ZNF774: variants seen among roughly 807,000 people sequenced by gnomAD.
The protein encoded by ZNF774 is zinc finger protein 774.
ZNF774 carries 14 observed loss-of-function variants against 11.1 expected under a neutral mutation model. That is an observed-to-expected ratio of 1.26 (90% CI 0.83 to 1.97). The LOEUF (loss-of-function observed/expected upper bound fraction) is 1.97. Among genes scored for constraint, ZNF774 ranks in the 30% most tolerant of loss-of-function variants. The pLI, the probability that ZNF774 is intolerant of heterozygous loss-of-function variation, is 0.00. For synonymous variants in ZNF774, 195 were observed against 212.6 expected (o/e 0.92, Z 0.72); for missense variants, 599 against 587.0 (o/e 1.02, Z -0.21).
At position 90,353,425 on chromosome 15, in the gene ZNF774, AGTGTGTGTGTGTGTGT is replaced by A. The variant is rs56080142; in HGVS notation, c.-20+1041_-20+1056del. ...TAAATACAAAAATATTTCCCCCAAA[AGTGTGTGTGTGTGTGT>A]GTGTGTGTGTGTGTGTGTGTGTGTG... is the stretch of plus-strand genomic sequence containing the variant. On this transcript the variant is annotated intron_variant, in intron 1 of 3. Transcript: ENST00000354377. Among the ~76,000 whole-genome samples the A allele has an allele frequency of 4.9e-3, 680 of 139,434 alleles. 3 individuals carry two copies. The highest frequency in any genetic ancestry group is 7.5e-3 in the Middle Eastern group (2 of 268). 91.5% of individuals were successfully genotyped at this position (139,434 alleles called of 152,430 possible).
rs146829380 is a variant in ZNF774 at position 90,358,865 on chromosome 15, G to A, written c.119G>A (p.Ser40Asn). The A allele has an allele frequency of 1.2e-6, 2 of 1,613,024 alleles. No individual in the cohort carries two copies. The highest frequency in any genetic ancestry group is 2.2e-5 in the East Asian group (1 of 44,816). ...TTCCTGTGTAGAATTTCCAGGCCTAGTGTAATCTCCCAGCCGGAGCAGAAA... is the reference window on the plus strand; with the variant it reads ...TTCCTGTGTAGAATTTCCAGGCCTAATGTAATCTCCCAGCCGGAGCAGAAA... ...EWALKGISRP[S>N]VISQPEQKEE... Residue 40 changes from serine to asparagine, a missense_variant, in exon 3 of 4, where the codon AGT (serine) becomes AAT (asparagine). Physicochemically the swap from Ser to Asn is conservative, Grantham distance 46. Coordinates refer to ENST00000354377, the MANE Select transcript of ZNF774 (RefSeq NM_001004309.3).
intron 2 of ZNF774, among the ~76,000 whole-genome samples, chr15:90,355,984 T>C (rs1274137537): frequency 7.3e-6 from 1 of 137,748 alleles, no homozygotes; most frequent in African/African-American, 2.9e-5. Context: ...GCCAAGATCA[T>C]GCCACTGCAC....
intron 2 of ZNF774, 111 bp downstream of exon 2, chr15:90,354,875 A>T (rs1964222969): frequency 1.1e-6 from 1 of 873,826 alleles, no homozygotes; most frequent in Non-Finnish European, 1.8e-6. Flanking sequence ...ATTCACTGCA[A>T]TCTGTGCCTC....
chr15:90,361,099 G>A lies in ZNF774; in HGVS notation c.1268G>A (p.Arg423Gln), dbSNP rs1964328845. The change falls in exon 4 of 4, where the codon CGA becomes CAA. Residue 423 changes from arginine (R) to glutamine (Q), a missense_variant. By Grantham distance (43) the Arg-to-Gln change is conservative. Transcript: ENST00000354377. ...NQSSHFITHQ[R>Q]IHLGDRPYRC... The stretch of plus-strand genomic sequence containing the variant: ...AGCTCCCACTTTATTACCCATCAGC[G>A]AATCCACTTAGGAGACAGGCCCTAT... 2 of 1,614,172 alleles carry A rather than the reference G, an allele frequency of 1.2e-6. No individual in the cohort carries two copies. The highest frequency in any genetic ancestry group is 1.7e-6 in the Non-Finnish European group (2 of 1,180,032).
At position 90,360,135 on chromosome 15, in the gene ZNF774, T is replaced by C; in HGVS notation, c.304T>C (p.Ser102Pro). Residue 102 changes from serine to proline, a missense_variant, in exon 4 of 4, where the codon TCT becomes CCT. Coordinates refer to ENST00000354377, the MANE Select transcript of ZNF774 (RefSeq NM_001004309.3). ...TSSERTNKDL[S>P]HTLSWGGNWE... Reference sequence around the variant, plus strand: ...CTCAGAAAGGACCAATAAAGATCTTTCTCATACTCTTAGTTGGGGAGGAAA... The same window carrying C: ...CTCAGAAAGGACCAATAAAGATCTTCCTCATACTCTTAGTTGGGGAGGAAA... 5 of 1,614,174 alleles carry C rather than the reference T, an allele frequency of 3.1e-6. No individual in the cohort carries two copies. Among genetic ancestry groups the C allele is most frequent in the Non-Finnish European group, 4.2e-6 (5 of 1,180,030 alleles).
Position 90,360,305 on chromosome 15 carries a change from A to G in ZNF774, c.474A>G (p.Lys158=). ...AGCCTATGTGTGCAGAATGCGGGAA[A>G]AGCTTTAACCAGAGTTCCTATCTCA... ...GEKPMCAECG[K]SFNQSSYLIR... Residue 158 remains lysine (K), a synonymous_variant, in exon 4 of 4, where the codon AAA becomes AAG. Coordinates refer to ENST00000354377, the MANE Select transcript of ZNF774 (RefSeq NM_001004309.3). 1 of 1,614,210 alleles carries G rather than the reference A, an allele frequency of 6.2e-7. No individual in the cohort carries two copies.
chr15:90,360,171 G>C lies in ZNF774; in HGVS notation c.340G>C (p.Gly114Arg). ...TLSWGGNWEQ[G>R]LELEGQHGTL... ...TAGTTGGGGAGGAAACTGGGAGCAAGGCCTAGAATTAGAAGGGCAACATGG... is the reference window on the plus strand; with the variant it reads ...TAGTTGGGGAGGAAACTGGGAGCAACGCCTAGAATTAGAAGGGCAACATGG... Residue 114 changes from glycine (G) to arginine (R), a missense_variant, in exon 4 of 4, where the codon GGC (glycine) becomes CGC (arginine). Coordinates refer to ENST00000354377, the MANE Select transcript of ZNF774 (RefSeq NM_001004309.3). 1.9e-6 allele frequency: 3 copies of C among 1,614,224 alleles called. No homozygotes were observed. Among genetic ancestry groups the C allele is most frequent in the Non-Finnish European group, 2.5e-6 (3 of 1,180,048 alleles).
In ZNF774 at chr15:90,360,029, C is replaced by T. The variant is rs770442255; in HGVS notation, c.212-14C>T. On this transcript the variant is annotated splice_polypyrimidine_tract_variant and intron_variant, in intron 3 of 3. Coordinates refer to ENST00000354377, the MANE Select transcript of ZNF774 (RefSeq NM_001004309.3). The stretch of plus-strand genomic sequence containing the variant: ...TGATAACTTTATTCTCTGTTACTTA[C>T]ATTAATTTTTCAGACTGTGAGCATC... The T allele has an allele frequency of 6.3e-6, 10 of 1,584,676 alleles. No individual in the cohort carries two copies. The highest frequency in any genetic ancestry group is 5.5e-5 in the Admixed American group (3 of 54,504).
chr15:90,360,562 T>C lies in ZNF774; in HGVS notation c.731T>C (p.Phe244Ser), dbSNP rs1398336678. 1.5e-5 allele frequency: 24 copies of C among 1,613,860 alleles called. No homozygotes were observed. Among genetic ancestry groups the C allele is most frequent in the South Asian group, 5.5e-5 (5 of 91,064 alleles). The stretch of plus-strand genomic sequence containing the variant: ...GAGTGCCCAGAGTGTGGAAAGACTT[T>C]TGGGCGGAAGCCACACCTCATAATG... ...PYECPECGKT[F>S]GRKPHLIMHQ... The change falls in exon 4 of 4, where the codon TTT becomes TCT. Residue 244 changes from phenylalanine to serine, a missense_variant. Physicochemically the swap from Phe to Ser is radical, Grantham distance 155. Transcript: ENST00000354377.
chr15:90,361,445 G>C lies in ZNF774; in HGVS notation c.*162G>C. 3.5e-6 allele frequency: 5 copies of C among 1,427,556 alleles called. No individual in the cohort carries two copies. The highest frequency in any genetic ancestry group is 4.6e-6 in the Non-Finnish European group (5 of 1,095,804). The allele number at this position is 1,427,556 out of a possible 1,614,324, so 88.4% of individuals were successfully genotyped here. A position where few individuals can be genotyped will look rare whatever the true frequency, so the allele number is the denominator to read the frequency against. ...TATAACAGAGAGGATAAACTTAAAG[G>C]GTCCAAATAACGGTCCGAATACAAA... On this transcript the variant is annotated 3_prime_UTR_variant, in exon 4 of 4. Transcript: ENST00000354377.
At position 90,352,350 on chromosome 15, in the gene ZNF774, C is replaced by T. The variant is rs941896048; in HGVS notation, c.-81C>T. ...GAGGCACAGCCTCGGGGTTGCGGGCCGGGTGCGGCTCGGCGGTGGAGGACT... is the reference window on the plus strand; with the variant it reads ...GAGGCACAGCCTCGGGGTTGCGGGCTGGGTGCGGCTCGGCGGTGGAGGACT... On this transcript the variant is annotated 5_prime_UTR_variant, in exon 1 of 4. Transcript: ENST00000354377. 1 of 152,514 alleles carries T rather than the reference C, an allele frequency of 6.6e-6. No homozygotes were observed. Among genetic ancestry groups the T allele is most frequent in the Non-Finnish European group, 1.5e-5 (1 of 68,304 alleles). The allele number at this position is 152,514 out of a possible 1,614,324, so 9.4% of individuals were successfully genotyped here.
chr15:90,362,824 T>C lies in ZNF774; in HGVS notation c.*1541T>C, dbSNP rs966264469. 1 of 415,896 alleles carries C rather than the reference T, an allele frequency of 2.4e-6. No individual in the cohort carries two copies. The highest frequency in any genetic ancestry group is 4.3e-6 in the Non-Finnish European group (1 of 233,360). 25.8% of individuals were successfully genotyped at this position (415,896 alleles called of 1,614,324 possible). On this transcript the variant is annotated 3_prime_UTR_variant, in exon 4 of 4. Transcript: ENST00000354377. ...CTATAAATGTAATATCTCTATGTTA[T>C]AATTCTGTTGCTAATGTCTTTTTTC...
chr15:90,355,823 G>T (rs1433166612), intron 2 of ZNF774, among the ~76,000 whole-genome samples: 1 of 150,398 alleles, frequency 6.6e-6, no homozygotes, highest in African/African-American at 2.4e-5. Context: ...AAGGTCAGGA[G>T]ATCGAGACCA....
At position 90,362,442 on chromosome 15, in the gene ZNF774, G is replaced by T; in HGVS notation, c.*1159G>T. 9.4e-7 allele frequency: 1 copy of T among 1,062,152 alleles called. No individual in the cohort carries two copies. Among genetic ancestry groups the T allele is most frequent in the Non-Finnish European group, 1.4e-6 (1 of 719,848 alleles). The allele number at this position is 1,062,152 out of a possible 1,614,324, so 65.8% of individuals were successfully genotyped here. ...TGAGAATGTCAAATGATATTACAGG[G>T]ATCCTCCCTGGCATTTAGCTGAAGG... On this transcript the variant is annotated 3_prime_UTR_variant, in exon 4 of 4. Coordinates refer to ENST00000354377, the MANE Select transcript of ZNF774 (RefSeq NM_001004309.3).
chr15:90,353,935 C>A (rs1196499355), intron 1 of ZNF774, among the ~76,000 whole-genome samples: 1 of 152,062 alleles, frequency 6.6e-6, no homozygotes, highest in Non-Finnish European at 1.5e-5. Context: ...TCTTGACTAT[C>A]CTCCAAAAAG....
chr15:90,355,226 T>A (rs544819997), intron 2 of ZNF774: 241 of 451,730 alleles, frequency 5.3e-4, no homozygotes, highest in Admixed American at 2.8e-4. Context: ...AATTGTTGCC[T>A]CCTTGGGAGA....
chr15:90,355,038 C>G (rs1412078072), intron 2 of ZNF774, among the ~76,000 whole-genome samples: 2 of 152,172 alleles, frequency 1.3e-5, no homozygotes, highest in African/African-American at 2.4e-5. Flanking sequence ...AGGCTGGTCT[C>G]AAACTCCTGA....
At position 90,360,452 on chromosome 15, in the gene ZNF774, C is replaced by G; in HGVS notation, c.621C>G (p.Tyr207Ter). 6.2e-7 allele frequency: 1 copy of G among 1,613,662 alleles called. No individual in the cohort carries two copies. Among genetic ancestry groups the G allele is most frequent in the East Asian group, 2.2e-5 (1 of 44,872 alleles). ...HRRTHTGEKP[Y>*]QCKGCEKKFS... Reference sequence around the variant, plus strand: ...GAACACACACAGGAGAGAAGCCCTACCAATGCAAGGGGTGTGAGAAGAAAT... The same window carrying G: ...GAACACACACAGGAGAGAAGCCCTAGCAATGCAAGGGGTGTGAGAAGAAAT... The change falls in exon 4 of 4, where the codon TAC becomes TAG. Residue 207 changes from tyrosine to a stop codon, truncating the protein, a stop_gained. Coordinates refer to ENST00000354377, the MANE Select transcript of ZNF774 (RefSeq NM_001004309.3). LOFTEE classifies it low-confidence loss of function (END_TRUNC).
chr15:90,358,928 C>A lies in ZNF774; in HGVS notation c.182C>A (p.Ala61Glu). 6.2e-7 allele frequency: 1 copy of A among 1,613,624 alleles called. No homozygotes were observed. Among genetic ancestry groups the A allele is most frequent in the Non-Finnish European group, 8.5e-7 (1 of 1,179,728 alleles). The stretch of plus-strand genomic sequence containing the variant: ...GTCCTACCACTCCAAAACTTTGAGG[C>A]GAGGAAGATCCCGAGGGAAAGCCAC... ...PWVLPLQNFE[A>E]RKIPRESHTD... The change falls in exon 3 of 4, where the codon GCG (alanine) becomes GAG (glutamate). Residue 61 changes from alanine (A) to glutamate (E), a missense_variant. By Grantham distance (107) the Ala-to-Glu change is moderately radical. Coordinates refer to ENST00000354377, the MANE Select transcript of ZNF774 (RefSeq NM_001004309.3).
Sources: allele counts gnomAD v4.1 joint callset (sites outside exome capture counted in the v4.1 genomes callset), GRCh38; gene constraint gnomAD v4.1.1; transcripts MANE v1.5; gene names NCBI Gene and HGNC (gene_info 2026-07-23, HGNC 2026-07-21).